Variants in LRTM3 observed in about 807,000 individuals in gnomAD.
LRTM3 encodes leucine-rich repeat transmembrane protein 3.
At chr13:102,747,189 C>G in the LRTM3 span, 5 of 1,550,660 alleles carry the variant, frequency 3.2e-6, no homozygotes, top group African/African-American at 1.4e-5. Flanking sequence ...TGGGATTCCT[C>G]TTGGACTAGC....
chr13:102,734,783 G>T, the LRTM3 span: 7 of 1,550,974 alleles, frequency 4.5e-6, no homozygotes, highest in Non-Finnish European at 5.2e-6. Flanking sequence ...CAATGAAGTA[G>T]ATTTGGTCAG....
chr13:102,745,779 C>T, the LRTM3 span: 3 of 1,551,148 alleles, frequency 1.9e-6, no homozygotes, highest in African/African-American at 4.1e-5. Context: ...ACCTTTGCTT[C>T]CCCAGACTTT....
the LRTM3 span, chr13:102,744,967 T>C: frequency 6.4e-7 from 1 of 1,550,852 alleles, no homozygotes; most frequent in South Asian, 1.2e-5. Flanking sequence ...CAGTTAAAAC[T>C]TCACCATTTA....
chr13:102,747,985 T>G, the LRTM3 span: 1 of 1,551,170 alleles, frequency 6.4e-7, no homozygotes, highest in Non-Finnish European at 8.7e-7. Flanking sequence ...CACATTGTTG[T>G]GGCTTTTTAA....
At chr13:102,742,027 T>C in the LRTM3 span, 3 of 1,550,408 alleles carry the variant, frequency 1.9e-6, no homozygotes, top group Non-Finnish European at 2.6e-6. Context: ...TTTCTTTTAG[T>C]GGTTTCTCCA....
At chr13:102,739,280 A>G in the LRTM3 span, 2 of 1,550,148 alleles carry the variant, frequency 1.3e-6, no homozygotes, top group East Asian at 2.4e-5. Flanking sequence ...TTTGAGGCCC[A>G]TTACATCTTT....
At chr13:102,755,926 TGTGTGTATATATATAC>T in the LRTM3 span, among the ~76,000 whole-genome samples, 2 of 58,384 alleles carry the variant, frequency 3.4e-5, no homozygotes, top group South Asian at 9.2e-4. Flanking sequence ...TGTGTGTGTG[TGTGTGTATATATATAC>T]ATATATATAT....
At chr13:102,735,492 C>T in the LRTM3 span, 2 of 1,551,218 alleles carry the variant, frequency 1.3e-6, no homozygotes, top group East Asian at 2.4e-5. Context: ...CTTGGCAGTC[C>T]TTTAACTTGT....
the LRTM3 span, chr13:102,734,805 GT>G: frequency 6.4e-7 from 1 of 1,550,938 alleles, no homozygotes; most frequent in Non-Finnish European, 8.7e-7. Flanking sequence ...ACCACACCTG[GT>G]TCACCTTCAC....
the LRTM3 span, chr13:102,744,206 A>G: frequency 6.4e-7 from 1 of 1,550,512 alleles, no homozygotes; most frequent in Non-Finnish European, 8.7e-7. Context: ...CAAAATTCGT[A>G]GTTGCTTTGC....
chr13:102,741,719 T>C, the LRTM3 span: 5 of 1,550,424 alleles, frequency 3.2e-6, no homozygotes, highest in Non-Finnish European at 4.4e-6. Context: ...TAGTGGAATA[T>C]CTAGTCTCTT....
the LRTM3 span, chr13:102,733,619 G>C: frequency 6.4e-7 from 1 of 1,551,288 alleles, no homozygotes; most frequent in South Asian, 1.2e-5. Context: ...CGCAGTTAAA[G>C]TTTCTGTTTT....
At chr13:102,736,706 A>C in the LRTM3 span, 2 of 1,550,122 alleles carry the variant, frequency 1.3e-6, no homozygotes, top group Admixed American at 3.9e-5. Flanking sequence ...CTTTGTTTTT[A>C]GTATATGGGA....
chr13:102,743,903 A>G, the LRTM3 span: 1 of 1,550,692 alleles, frequency 6.4e-7, no homozygotes, highest in Non-Finnish European at 8.7e-7. Flanking sequence ...GAAATCTAAA[A>G]GACCCAAGAA....
the LRTM3 span, chr13:102,749,116 C>T: frequency 1.3e-6 from 2 of 1,549,990 alleles, no homozygotes; most frequent in South Asian, 2.4e-5. Context: ...GTAATTCTTT[C>T]TTCTCAGTGT....
At chr13:102,743,606 A>C in the LRTM3 span, 1 of 1,550,490 alleles carries the variant, frequency 6.4e-7, no homozygotes, top group Non-Finnish European at 8.7e-7. Context: ...AGGCATGAAG[A>C]AATCTAAAGG....
At chr13:102,748,786 T>TAG in the LRTM3 span, 2 of 1,550,560 alleles carry the variant, frequency 1.3e-6, no homozygotes, top group Non-Finnish European at 1.7e-6. Context: ...GTGCTTTTAG[T>TAG]TGAACAGTGT....
At chr13:102,734,889 T>G in the LRTM3 span, 1 of 1,551,108 alleles carries the variant, frequency 6.4e-7, no homozygotes, top group Non-Finnish European at 8.7e-7. Flanking sequence ...TCCTCTTCCT[T>G]GTTCTGTGAC....
the LRTM3 span, chr13:102,738,873 G>A: frequency 6.4e-7 from 1 of 1,550,642 alleles, no homozygotes; most frequent in Non-Finnish European, 8.7e-7. Flanking sequence ...ATTGAAGGCT[G>A]CTTCACCTCC....
Sources: gnomAD v4.1 joint callset for allele counts (sites outside exome capture counted in the v4.1 genomes callset) on GRCh38, gnomAD v4.1.1 for gene constraint, MANE v1.5 for transcripts, NCBI Gene and HGNC (gene_info 2026-07-23, HGNC 2026-07-21) for gene names.